DROSHA: variants seen among roughly 807,000 people sequenced by gnomAD.
DROSHA encodes the protein ribonuclease 3.
A neutral mutation model predicts 181.9 loss-of-function variants in DROSHA; 56 were observed. That is an observed-to-expected ratio of 0.31 (90% confidence interval 0.25 to 0.38). DROSHA has a LOEUF of 0.38. Among genes scored for constraint, DROSHA ranks in the 10% least tolerant of loss-of-function variants. The pLI, the probability that DROSHA is intolerant of heterozygous loss-of-function variation, is 1.00. For missense variants in DROSHA, 1,218 were observed against 1,743.5 expected, an observed-to-expected ratio of 0.70 and a Z score of 5.37; for synonymous variants, 524 against 591.2, an observed-to-expected ratio of 0.89 and a Z score of 1.65.
At chr5:31,469,202 C>T (rs899523918) in intron 17 of DROSHA, among the ~76,000 whole-genome samples, 3 of 152,016 alleles carry the variant, frequency 2.0e-5, no homozygotes, top group African/African-American at 7.2e-5. Flanking sequence ...ACTAAAAATA[C>T]AAAAATTAGC....
chr5:31,498,403 GA>G (rs368763133), intron 11 of DROSHA, among the ~76,000 whole-genome samples: 2,840 of 150,062 alleles, frequency 0.019, 65 homozygotes, highest in African/African-American at 0.065. Context: ...TGAATAAACT[GA>G]AAAAAAAAGT....
intron 20 of DROSHA, among the ~76,000 whole-genome samples, chr5:31,461,463 T>C (rs894420847): frequency 7.2e-5 from 11 of 152,188 alleles, no homozygotes; most frequent in Non-Finnish European, 1.3e-4. Flanking sequence ...AGGAAGACTT[T>C]CTGACCATTA....
At chr5:31,437,110 A>G (rs1744937995) in intron 24 of DROSHA, 129 bp downstream of exon 24, 1 of 1,024,118 alleles carries the variant, frequency 9.8e-7, no homozygotes, top group Non-Finnish European at 1.4e-6. Flanking sequence ...TCTAAGCTCT[A>G]CAAAAGAGAT....
chr5:31,403,420 T>C (rs761116098), intron 35 of DROSHA, among the ~76,000 whole-genome samples: 64 of 152,268 alleles, frequency 4.2e-4, no homozygotes, highest in Non-Finnish European at 8.1e-4. Context: ...TATATACATA[T>C]ATATACACAC....
At chr5:31,423,172 C>CA (rs1742976066) in intron 28 of DROSHA, 1 of 424,272 alleles carries the variant, frequency 2.4e-6, no homozygotes, top group African/African-American at 2.1e-5. Flanking sequence ...ATTTCAAGGC[C>CA]AAGTACTGTA....
intron 16 of DROSHA, among the ~76,000 whole-genome samples, chr5:31,476,846 A>G (rs1395874502): frequency 6.6e-6 from 1 of 152,186 alleles, no homozygotes; most frequent in Non-Finnish European, 1.5e-5. Context: ...TGACTTTCTA[A>G]AGCAGACTAA....
intron 25 of DROSHA, among the ~76,000 whole-genome samples, chr5:31,434,015 T>A (rs888998268): frequency 1.3e-5 from 2 of 152,230 alleles, no homozygotes; most frequent in African/African-American, 4.8e-5. Flanking sequence ...TACTGGTCTA[T>A]ACAGAAGAAA....
chr5:31,480,178 G>GTGTATATATATATATATATATATA (rs1689237016), intron 16 of DROSHA, among the ~76,000 whole-genome samples: 1 of 84,870 alleles, frequency 1.2e-5, no homozygotes. Context: ...GGCAATGTCA[G>GTGTATATATATATATATATATATA]TATATATATA....
Position 31,526,582 on chromosome 5 carries a change from A to C in DROSHA, c.351T>G (p.Phe117Leu), listed in dbSNP as rs1740600324. 1 of 1,525,336 alleles carries C rather than the reference A, an allele frequency of 6.6e-7. No homozygotes were observed. Among genetic ancestry groups the C allele is most frequent in the Non-Finnish European group, 8.8e-7 (1 of 1,138,658 alleles). 94.5% of individuals were successfully genotyped at this position (1,525,336 alleles called of 1,614,324 possible). A position where few individuals can be genotyped will look rare whatever the true frequency, so the allele number is the denominator to read the frequency against. Reference protein sequence around the residue: ...MRHPFPVPPCFPPMPPPMPCP... With the variant: ...MRHPFPVPPCLPPMPPPMPCP... ...AAGGCATTGGTGGTGGCATGGGAGG[A>C]AAACAAGGAGGAACTGGGAAGGGGT... The change falls in exon 5 of 36, where the codon TTT (phenylalanine) becomes TTG (leucine). Residue 117 changes from phenylalanine (F) to leucine (L), a missense_variant. Physicochemically the swap from Phe to Leu is conservative, Grantham distance 22 (BLOSUM62 0). This residue lies in a region of DROSHA where 536 missense variants were observed against 535.4 expected (regional missense o/e 1.00). Transcript: ENST00000344624.
chr5:31,403,672 G>A (rs1478297282), intron 35 of DROSHA, among the ~76,000 whole-genome samples: 1 of 152,164 alleles, frequency 6.6e-6, no homozygotes, highest in African/African-American at 2.4e-5. Context: ...TTTATTGGCA[G>A]ACAGACACAC....
chr5:31,520,816 AAG>A (rs1012923433), intron 6 of DROSHA, among the ~76,000 whole-genome samples: 69 of 152,284 alleles, frequency 4.5e-4, no homozygotes, highest in African/African-American at 1.5e-3. Flanking sequence ...ATGTAAATTT[AAG>A]AGCATAATTA....
At position 31,472,150 on chromosome 5, in the gene DROSHA, C is replaced by G. The variant is rs1749803527; in HGVS notation, c.2154G>C (p.Glu718Asp). The G allele has an allele frequency of 1.2e-6, 2 of 1,613,976 alleles. No homozygotes were observed. The highest frequency in any genetic ancestry group is 8.5e-7 in the Non-Finnish European group (1 of 1,179,880). Reference protein sequence around the residue: ...RCSKALVPEEEIANMLQWEEL... With the variant: ...RCSKALVPEEDIANMLQWEEL... The stretch of plus-strand genomic sequence containing the variant: ...CCTCCCACTGAAGCATATTGGCAAT[C>G]TCCTCCTCAGGCACCAGGGCTTTGC... Residue 718 changes from glutamate (E) to aspartate (D), a missense_variant, in exon 17 of 36, where the codon GAG (glutamate) becomes GAC (aspartate). Around this residue, in one of 8 missense-constraint regions of DROSHA, gnomAD observed 460 missense variants for 774.2 expected, o/e 0.59. Coordinates refer to ENST00000344624, the MANE Select transcript of DROSHA (RefSeq NM_001382508.1).
intron 8 of DROSHA, among the ~76,000 whole-genome samples, chr5:31,511,938 C>G (rs1018047781): frequency 7.9e-5 from 12 of 151,694 alleles, no homozygotes; most frequent in Non-Finnish European, 1.6e-4. Flanking sequence ...CACGCACACA[C>G]ACACACACAC....
chr5:31,525,928 T>G (rs1477241517), intron 5 of DROSHA, 151 bp downstream of exon 5: 4 of 792,262 alleles, frequency 5.0e-6, no homozygotes, highest in Non-Finnish European at 7.7e-6. Flanking sequence ...CAGTTGTTTC[T>G]TCCTCTTGAA....
intron 22 of DROSHA, among the ~76,000 whole-genome samples, chr5:31,448,871 G>T (rs940446060): frequency 2.6e-5 from 4 of 152,192 alleles, no homozygotes; most frequent in Admixed American, 2.6e-4. Context: ...AGTGGCTCAG[G>T]TCTGTAACTT....
At chr5:31,431,758 A>G in intron 25 of DROSHA, 80 bp from the exon 26 acceptor site, 1 of 1,367,066 alleles carries the variant, frequency 7.3e-7, no homozygotes, top group East Asian at 2.3e-5. Context: ...TCTTGCAGAG[A>G]GTTGGTGCGG....
chr5:31,509,563 G>C (rs1455487416), intron 9 of DROSHA, among the ~76,000 whole-genome samples: 1 of 152,184 alleles, frequency 6.6e-6, no homozygotes, highest in Non-Finnish European at 1.5e-5. Flanking sequence ...CAAAAGCGTG[G>C]AGCTAAGAAC....
chr5:31,484,303 A>G (rs12656906), intron 15 of DROSHA, among the ~76,000 whole-genome samples: 11,656 of 140,510 alleles, frequency 0.083, 729 homozygotes, highest in East Asian at 0.19. Flanking sequence ...GAACCCGGGA[A>G]GCGGAGCTTG....
At chr5:31,454,117 C>G (rs1194790362) in intron 20 of DROSHA, among the ~76,000 whole-genome samples, 2 of 152,120 alleles carry the variant, frequency 1.3e-5, no homozygotes, top group African/African-American at 4.8e-5. Context: ...GGCACAGGCC[C>G]TGATAATGGA....
Sources: gnomAD v4.1 joint callset for allele counts (sites outside exome capture counted in the v4.1 genomes callset) on GRCh38, gnomAD v4.1.1 for gene constraint, gnomAD v4.1.1 regional missense constraint, MANE v1.5 for transcripts, NCBI Gene and HGNC (gene_info 2026-07-23, HGNC 2026-07-21) for gene names.